MTMR9: variants seen among roughly 807,000 people sequenced by gnomAD.
The protein encoded by MTMR9 is myotubularin related protein 9, also known as myotubularin-related protein 9.
MTMR9 carries 39 observed loss-of-function variants against 69.5 expected under a neutral mutation model. The observed-to-expected ratio is 0.56, with a 90% CI of 0.43 to 0.73. MTMR9 has a LOEUF of 0.73. MTMR9 is among the 30% of genes least tolerant of loss of function. MTMR9 has a pLI of 0.00. For synonymous variants in MTMR9, 354 were observed against 240.8 expected, an observed-to-expected ratio of 1.47 and a Z score of -4.35; for missense variants, 900 against 671.2, an observed-to-expected ratio of 1.34 and a Z score of -3.77.
chr8:11,287,971 T>TATGTA (rs1799237759), intron 1 of MTMR9, among the ~76,000 whole-genome samples: 1 of 127,356 alleles, frequency 7.9e-6, no homozygotes, highest in Non-Finnish European at 1.6e-5. Context: ...CTATGTATTA[T>TATGTA]ATATGTATTA....
At chr8:11,297,434 A>G (rs949901589) in intron 2 of MTMR9, among the ~76,000 whole-genome samples, 11 of 152,194 alleles carry the variant, frequency 7.2e-5, no homozygotes, top group African/African-American at 2.4e-4. Context: ...TGTAGTTTAT[A>G]GACTGTTAAA....
At chr8:11,333,478 C>T in the MTMR9 span, among the ~76,000 whole-genome samples, 5 of 152,016 alleles carry the variant, frequency 3.3e-5, no homozygotes, top group African/African-American at 4.8e-5. Flanking sequence ...CTTGTTACTG[C>T]GAGATATGCC....
At chr8:11,288,029 A>T (rs1485887008) in intron 1 of MTMR9, among the ~76,000 whole-genome samples, 1 of 125,180 alleles carries the variant, frequency 8.0e-6, no homozygotes, top group Non-Finnish European at 1.6e-5. Flanking sequence ...CGTATGATAT[A>T]TAATATATAT....
intron 9 of MTMR9, 178 bp downstream of exon 9, chr8:11,320,016 CT>C (rs113060213): frequency 0.12 from 48,167 of 389,544 alleles, no homozygotes; most frequent in East Asian, 0.16. Flanking sequence ...TCTAGCCACA[CT>C]TTTTTTTTTT....
intron 1 of MTMR9, 82 bp from the exon 2 acceptor site, chr8:11,295,112 A>G: frequency 2.7e-6 from 2 of 754,208 alleles, no homozygotes; most frequent in Non-Finnish European, 2.2e-6. Context: ...AACTACAACT[A>G]TATTCTCTTT....
chr8:11,304,733 T>C (rs1799876953), intron 3 of MTMR9, 108 bp from the exon 4 acceptor site: 1 of 1,081,122 alleles, frequency 9.2e-7, no homozygotes, highest in Non-Finnish European at 1.4e-6. Flanking sequence ...TCCTGAGAAA[T>C]GGCTTCTTCA....
At chr8:11,295,153 T>A (rs773673385) in intron 1 of MTMR9, 41 bp from the exon 2 acceptor site, 9 of 982,802 alleles carry the variant, frequency 9.2e-6, no homozygotes, top group Non-Finnish European at 1.4e-5. Context: ...TTAAAGTTAG[T>A]AATATATGTG....
intron 7 of MTMR9, 26 bp from the exon 8 acceptor site, chr8:11,316,647 C>G (rs541168326): frequency 1.3e-6 from 2 of 1,513,198 alleles, no homozygotes; most frequent in African/African-American, 1.4e-5. Flanking sequence ...CAGGATATGA[C>G]TGTCACGCCT....
intron 8 of MTMR9, chr8:11,317,225 G>C (rs1800458277): frequency 1.2e-5 from 2 of 161,150 alleles, no homozygotes; most frequent in South Asian, 4.0e-4. Context: ...ATTTTATTAA[G>C]AAAGTAAGAT....
chr8:11,289,236 G>C (rs1799295436), intron 1 of MTMR9, among the ~76,000 whole-genome samples: 1 of 152,178 alleles, frequency 6.6e-6, no homozygotes, highest in Non-Finnish European at 1.5e-5. Context: ...TTTGGGATGT[G>C]TTTTTGAAAG....
intron 8 of MTMR9, chr8:11,318,738 T>G (rs1034420714): frequency 1.3e-5 from 2 of 152,248 alleles, no homozygotes; most frequent in Admixed American, 6.5e-5. Flanking sequence ...TATGTGGATA[T>G]AGATTAAATA....
At chr8:11,331,171 C>T, downstream of MTMR9, 1 of 1,613,250 alleles carries the variant, frequency 6.2e-7, no homozygotes, top group East Asian at 2.2e-5. Context: ...CCCTCCGCTC[C>T]ACCCAGCCTC....
intron 1 of MTMR9, among the ~76,000 whole-genome samples, chr8:11,292,703 G>A (rs1014153448): frequency 6.6e-6 from 1 of 151,998 alleles, no homozygotes; most frequent in African/African-American, 2.4e-5. Flanking sequence ...CTTTCTTACT[G>A]CGTTTTGAGA....
At chr8:11,330,099 G>C (rs1801143476), downstream of MTMR9, among the ~76,000 whole-genome samples, 1 of 151,700 alleles carries the variant, frequency 6.6e-6, no homozygotes, top group South Asian at 2.1e-4. Flanking sequence ...CATCCGGGAG[G>C]GAGGTGGGAG....
chr8:11,332,197 T>G (rs74302405), downstream of MTMR9: 70,785 of 1,512,292 alleles, frequency 0.047, 3,384 homozygotes, highest in Admixed American at 0.25. Context: ...AAAAAAAAAA[T>G]AAAAGAAAAA....
chr8:11,293,744 A>G (rs1799449214), intron 1 of MTMR9, among the ~76,000 whole-genome samples: 3 of 150,572 alleles, frequency 2.0e-5, no homozygotes, highest in Admixed American at 2.0e-4. Flanking sequence ...ATGGTTCATG[A>G]TTATAGATTC....
chr8:11,290,527 C>T (rs534991208), intron 1 of MTMR9, among the ~76,000 whole-genome samples: 1 of 152,088 alleles, frequency 6.6e-6, no homozygotes, highest in East Asian at 1.9e-4. Context: ...TCCCTGTCCC[C>T]AAATCACCAG....
Position 11,319,826 on chromosome 8 carries a change from C to A in MTMR9, c.1474C>A (p.Pro492Thr). 2 of 1,614,074 alleles carry A rather than the reference C, an allele frequency of 1.2e-6. No homozygotes were observed. The highest frequency in any genetic ancestry group is 1.7e-6 in the Non-Finnish European group (2 of 1,179,988). Reference protein sequence around the residue: ...IWPSVAPQSLPLWEGIFLRWN... With the variant: ...IWPSVAPQSLTLWEGIFLRWN... The stretch of plus-strand genomic sequence containing the variant: ...GCCTTCAGTTGCTCCGCAGAGTCTT[C>A]CACTGTGGGAAGGTAAACCACGCAT... The change falls in exon 9 of 10, where the codon CCA becomes ACA. Residue 492 changes from proline (P) to threonine (T), a missense_variant. Pro to Thr is a conservative substitution (Grantham distance 38). Transcript: ENST00000221086.
chr8:11,330,180 C>CCCGGCCAGCCGT (rs1801151176), downstream of MTMR9, among the ~76,000 whole-genome samples: 1 of 151,804 alleles, frequency 6.6e-6, no homozygotes, highest in Admixed American at 6.6e-5. Flanking sequence ...CGGCCAGCCG[C>CCCGGCCAGCCGT]CCCGTCCGGG....
Sources: allele counts gnomAD v4.1 joint callset (sites outside exome capture counted in the v4.1 genomes callset), GRCh38; gene constraint gnomAD v4.1.1; transcripts MANE v1.5; gene names NCBI Gene and HGNC (gene_info 2026-07-23, HGNC 2026-07-21).